The following DNAJC17 variants were observed in gnomAD, a reference collection of about 807,000 sequenced individuals.
The protein encoded by DNAJC17 is dnaJ homolog subfamily C member 17.
In DNAJC17, 35 loss-of-function variants were observed where a neutral mutation model predicts 48.1. That is an observed-to-expected ratio of 0.73 (90% confidence interval 0.56 to 0.96). The LOEUF is 0.96. DNAJC17 is among the 50% of genes least tolerant of loss of function. DNAJC17 has a pLI of 0.00. For synonymous variants in DNAJC17, 117 were observed against 142.7 expected, an observed-to-expected ratio of 0.82 and a Z score of 1.28; for missense variants, 355 against 377.1, an observed-to-expected ratio of 0.94 and a Z score of 0.48.
chr15:40,790,914 T>C (rs953150718), intron 1 of DNAJC17, among the ~76,000 whole-genome samples: 5 of 152,160 alleles, frequency 3.3e-5, no homozygotes, highest in Non-Finnish European at 7.3e-5. Context: ...AGAGTGATAC[T>C]GAGGGGACTT....
intron 1 of DNAJC17, among the ~76,000 whole-genome samples, chr15:40,799,020 C>CT (rs1302419527): frequency 6.6e-6 from 1 of 151,812 alleles, no homozygotes; most frequent in East Asian, 1.9e-4. Flanking sequence ...GAGATAGAGA[C>CT]CATCCTGGCT....
In DNAJC17 at chr15:40,774,397, G is replaced by C; in HGVS notation, c.640C>G (p.Pro214Ala). ...GCAAACTCCACCACAGCAGTGCCTGGCTTCTTACTGGAAAGCACCAGGTTG... is the reference window on the plus strand; with the variant it reads ...GCAAACTCCACCACAGCAGTGCCTGCCTTCTTACTGGAAAGCACCAGGTTG... ...VLNLVLSSKK[P>A]GTAVVEFATV... Residue 214 changes from proline (P) to alanine (A), a missense_variant, in exon 9 of 11, where the codon CCA (proline) becomes GCA (alanine). Around this residue, in one of 3 missense-constraint regions of DNAJC17, gnomAD observed 68 missense variants for 109.5 expected, o/e 0.62. Transcript: ENST00000220496. The C allele has an allele frequency of 6.2e-7, 1 of 1,614,066 alleles. No homozygotes were observed. The highest frequency in any genetic ancestry group is 1.7e-4 in the Middle Eastern group (1 of 6,060).
rs769514449 is a variant in DNAJC17, at chr15:40,770,753, C to T, written c.793-2691G>A. 1.1e-5 allele frequency: 17 copies of T among 1,545,728 alleles called. No homozygotes were observed. The highest frequency in any genetic ancestry group is 1.5e-5 in the Non-Finnish European group (17 of 1,146,976). Reference sequence around the variant, plus strand: ...CCCCACCCAAGCCCCCACGCCTCTACCGAGAGAGCTCAAGCTGCCCCAACA... The same window carrying T: ...CCCCACCCAAGCCCCCACGCCTCTATCGAGAGAGCTCAAGCTGCCCCAACA... On this transcript the variant is annotated intron_variant, in intron 10 of 10. Coordinates refer to ENST00000220496, the MANE Select transcript of DNAJC17 (RefSeq NM_018163.3). The surrounding 1 kb of genome is among the most constrained non-coding windows in gnomAD (Gnocchi z 5.0).
chr15:40,788,589 G>A (rs908430970), intron 1 of DNAJC17, among the ~76,000 whole-genome samples: 4 of 151,922 alleles, frequency 2.6e-5, no homozygotes, highest in East Asian at 1.9e-4. Flanking sequence ...CCAGCTACTC[G>A]GGAGGCTGAG....
intron 1 of DNAJC17, among the ~76,000 whole-genome samples, chr15:40,789,216 C>G (rs891987998): frequency 1.3e-5 from 2 of 152,186 alleles, no homozygotes; most frequent in Non-Finnish European, 2.9e-5. Context: ...GGACCACACA[C>G]GGAGCCTGGC....
intron 10 of DNAJC17, 60 bp from the exon 11 acceptor site, chr15:40,768,122 T>C: frequency 6.8e-7 from 1 of 1,471,930 alleles, no homozygotes; most frequent in Non-Finnish European, 9.0e-7. Flanking sequence ...CCTCACAGAC[T>C]CCGAGTACGG....
rs1170639739 is a variant in DNAJC17, at chr15:40,800,149, T to C, written c.78+7220A>G. 2.0e-5 allele frequency among the ~76,000 whole-genome samples: 3 copies of C among 152,358 alleles called. No homozygotes were observed. The East Asian group carries it at 5.8e-4, about 29-fold the overall frequency. On this transcript the variant is annotated intron_variant, in intron 1 of 10. Coordinates refer to ENST00000220496, the MANE Select transcript of DNAJC17 (RefSeq NM_018163.3). Reference sequence around the variant, plus strand: ...GTGCAGTGGCACGATTTCGGCTCACTGCAACCTCCGCCTCCTGGGTTCCAG... The same window carrying C: ...GTGCAGTGGCACGATTTCGGCTCACCGCAACCTCCGCCTCCTGGGTTCCAG...
In DNAJC17 at chr15:40,765,854, G is replaced by A. The variant is rs760612987; in HGVS notation, c.*2086C>T. The A allele has an allele frequency of 2.4e-5, 38 of 1,583,978 alleles. No homozygotes were observed. The highest frequency in any genetic ancestry group is 9.4e-5 in the African/African-American group (7 of 74,264). ...GGTGGGCCCCACTATGGTGGGCGAT[G>A]AACAGTCGGATCCAGAGCTGATGCA... is the stretch of plus-strand genomic sequence containing the variant. On this transcript the variant is annotated 3_prime_UTR_variant, in exon 11 of 11. Coordinates refer to ENST00000220496, the MANE Select transcript of DNAJC17 (RefSeq NM_018163.3).
chr15:40,782,314 A>G (rs573780481), intron 1 of DNAJC17, among the ~76,000 whole-genome samples: 21 of 152,158 alleles, frequency 1.4e-4, no homozygotes, highest in Non-Finnish European at 2.1e-4. Context: ...CCAGCTACTA[A>G]GGAGGTTGAG....
chr15:40,791,044 TA>T (rs201993377), intron 1 of DNAJC17, among the ~76,000 whole-genome samples: 1 of 150,088 alleles, frequency 6.7e-6, no homozygotes. Context: ...TTAAAATAAA[TA>T]AAAAAAAATA....
chr15:40,802,589 T>C (rs564791656), intron 1 of DNAJC17, among the ~76,000 whole-genome samples: 1 of 152,256 alleles, frequency 6.6e-6, no homozygotes, highest in South Asian at 2.1e-4. Flanking sequence ...TTAAATTTGG[T>C]GGTGGTGCTC....
chr15:40,803,193 AC>A (rs1890117984), intron 1 of DNAJC17, among the ~76,000 whole-genome samples: 1 of 151,294 alleles, frequency 6.6e-6, no homozygotes, highest in African/African-American at 2.4e-5. Flanking sequence ...AGGTTCCTTC[AC>A]CCAGTTCCTG....
At chr15:40,774,125 C>T in intron 9 of DNAJC17, 1 of 605,028 alleles carries the variant, frequency 1.7e-6, no homozygotes, top group Non-Finnish European at 2.9e-6. Context: ...CAGCAGGGAG[C>T]AGAGTCAAGT....
At chr15:40,789,918 A>AAG (rs2141957716) in intron 1 of DNAJC17, among the ~76,000 whole-genome samples, 1 of 149,694 alleles carries the variant, frequency 6.7e-6, no homozygotes, top group East Asian at 1.9e-4. Context: ...AAAAAAAAAA[A>AAG]AAAAAAAAAA....
chr15:40,770,869 A>T lies in DNAJC17; in HGVS notation c.793-2807T>A. On this transcript the variant is annotated intron_variant, in intron 10 of 10. Transcript: ENST00000220496. The surrounding 1 kb of genome is among the most constrained non-coding windows in gnomAD (Gnocchi z 5.0). The stretch of plus-strand genomic sequence containing the variant: ...TCGAGTGCCCTCCACCAGCACTCAG[A>T]GAAGGGCCTTGTGGACACTCCCTGC... 6.4e-7 allele frequency: 1 copy of T among 1,551,536 alleles called. No homozygotes were observed.
At chr15:40,776,463 C>T in intron 5 of DNAJC17, 79 bp downstream of exon 5, 1 of 1,559,212 alleles carries the variant, frequency 6.4e-7, no homozygotes, top group Non-Finnish European at 8.8e-7. Context: ...CCTCTCTAGC[C>T]ACGGCGACCA....
intron 4 of DNAJC17, chr15:40,776,992 G>T: frequency 4.5e-6 from 1 of 222,636 alleles, no homozygotes. Context: ...TGGCACCACA[G>T]CTTGACTTGC....
intron 1 of DNAJC17, 74 bp from the exon 2 acceptor site, chr15:40,780,071 G>T: frequency 7.0e-7 from 1 of 1,424,198 alleles, no homozygotes; most frequent in Non-Finnish European, 9.8e-7. Flanking sequence ...TGCTCAATGG[G>T]TAAGGGGAAT....
intron 10 of DNAJC17, chr15:40,771,177 G>C: frequency 1.4e-6 from 1 of 727,708 alleles, no homozygotes; most frequent in Non-Finnish European, 2.3e-6. Flanking sequence ...AGGAATCCAG[G>C]GCTCTGCCTG....
Sources: gnomAD v4.1 joint callset for allele counts (sites outside exome capture counted in the v4.1 genomes callset) on GRCh38, gnomAD v4.1.1 for gene constraint, gnomAD v4.1.1 regional missense constraint, Gnocchi (gnomAD v3.1) non-coding constraint, MANE v1.5 for transcripts, NCBI Gene and HGNC (gene_info 2026-07-23, HGNC 2026-07-21) for gene names.